The following C2orf81 variants were observed in gnomAD, a reference collection of about 807,000 sequenced individuals.
C2orf81 encodes the protein chromosome 2 open reading frame 81, also known as uncharacterized protein C2orf81.
In C2orf81, 5 loss-of-function variants were observed where a neutral mutation model predicts 7.9. That is an observed-to-expected ratio of 0.63 (90% confidence interval 0.33 to 1.33). The LOEUF (loss-of-function observed/expected upper bound fraction) is 1.33, where lower values mean the gene tolerates loss of function less well. Among genes scored for constraint, C2orf81 ranks in the 40% most tolerant of loss-of-function variants. The pLI is 0.05. For missense variants in C2orf81, 781 were observed against 830.4 expected, an observed-to-expected ratio of 0.94 and a Z score of 0.73; for synonymous variants, 346 against 367.4, an observed-to-expected ratio of 0.94 and a Z score of 0.66.
Position 74,415,921 on chromosome 2 carries a change from G to C in C2orf81, c.256C>G (p.Pro86Ala). Reference protein sequence around the residue: ...FKVYLTQQCIPFTISQAREAM... With the variant: ...FKVYLTQQCIAFTISQAREAM... ...TCCCGGGCCTGGCTGATGGTGAATG[G>C]AATGCACTGCGGAGGCGAGAGAGGA... Residue 86 changes from proline (P) to alanine (A), a missense_variant, in exon 3 of 3, where the codon CCA (proline) becomes GCA (alanine). Pro to Ala is a conservative substitution (Grantham distance 27, BLOSUM62 -1). Coordinates refer to ENST00000684111, the MANE Select transcript of C2orf81 (RefSeq NM_001316764.3). The surrounding 1 kb of genome is among the most constrained non-coding windows in gnomAD (Gnocchi z 5.5). The C allele has an allele frequency of 6.5e-7, 1 of 1,548,096 alleles. No homozygotes were observed. The highest frequency in any genetic ancestry group is 8.7e-7 in the Non-Finnish European group (1 of 1,144,196).
intron 1 of C2orf81, among the ~76,000 whole-genome samples, chr2:74,418,953 G>T (rs1232205289): frequency 6.6e-6 from 1 of 152,072 alleles, no homozygotes; most frequent in Non-Finnish European, 1.5e-5. Flanking sequence ...GGCCGAGGTG[G>T]GTGGATCATT....
At chr2:74,419,053 C>T (rs892180972) in intron 1 of C2orf81, among the ~76,000 whole-genome samples, 5 of 151,840 alleles carry the variant, frequency 3.3e-5, no homozygotes, top group Admixed American at 6.6e-5. Context: ...TGGTGGTGGG[C>T]GCCTGTAATT....
intron 1 of C2orf81, among the ~76,000 whole-genome samples, chr2:74,421,155 T>C (rs887000933): frequency 6.6e-6 from 1 of 152,264 alleles, no homozygotes; most frequent in African/African-American, 2.4e-5. Flanking sequence ...AATTATTTAA[T>C]ATATTTCTTC....
intron 1 of C2orf81, chr2:74,417,753 G>A (rs1676506436): frequency 7.7e-6 from 4 of 518,080 alleles, no homozygotes; most frequent in South Asian, 5.2e-5. Flanking sequence ...GGCAACAGTG[G>A]AGGAGCAGAG....
chr2:74,421,070 T>C (rs1410493940), intron 1 of C2orf81, among the ~76,000 whole-genome samples: 1 of 152,176 alleles, frequency 6.6e-6, no homozygotes, highest in Non-Finnish European at 1.5e-5. Context: ...GCATGAGCCA[T>C]TGAGACCGGC....
In C2orf81 at chr2:74,415,927, A is replaced by G; in HGVS notation, c.250T>C (p.Cys84Arg). 1 of 1,547,370 alleles carries G rather than the reference A, an allele frequency of 6.5e-7. No individual in the cohort carries two copies. The highest frequency in any genetic ancestry group is 1.4e-5 in the African/African-American group (1 of 73,076). The change falls in exon 3 of 3, where the codon TGC becomes CGC. Residue 84 changes from cysteine (C) to arginine (R), a missense_variant and splice_region_variant. Coordinates refer to ENST00000684111, the MANE Select transcript of C2orf81 (RefSeq NM_001316764.3). This position sits in a 1 kb window ranked among gnomAD's most constrained non-coding sequence, Gnocchi z 5.5. ...SAFKVYLTQQ[C>R]IPFTISQARE... ...GCCTGGCTGATGGTGAATGGAATGC[A>G]CTGCGGAGGCGAGAGAGGATCTCAG...
Position 74,414,197 on chromosome 2 carries a change from G to A in C2orf81, c.*132C>T. On this transcript the variant is annotated 3_prime_UTR_variant, in exon 3 of 3. Transcript: ENST00000684111. The surrounding 1 kb of genome is among the most constrained non-coding windows in gnomAD (Gnocchi z 5.3). ...CAGACTAGTTCCTAAGGCAACTCAGGTGTTTATTTCTGGCTAGCAGAGGGA... is the reference window on the plus strand; with the variant it reads ...CAGACTAGTTCCTAAGGCAACTCAGATGTTTATTTCTGGCTAGCAGAGGGA... 1.1e-6 allele frequency: 1 copy of A among 883,236 alleles called. No individual in the cohort carries two copies. 54.7% of individuals were successfully genotyped at this position (883,236 alleles called of 1,614,324 possible). A position where few individuals can be genotyped will look rare whatever the true frequency, so the allele number is the denominator to read the frequency against.
At chr2:74,418,559 G>T in intron 1 of C2orf81, 1 of 730,028 alleles carries the variant, frequency 1.4e-6, no homozygotes, top group Non-Finnish European at 2.4e-6. Context: ...GCTGAGGACA[G>T]GCCAGTCTCC....
Position 74,416,074 on chromosome 2 carries a change from G to C in C2orf81, c.186C>G (p.Asp62Glu), listed in dbSNP as rs766998880. The C allele has an allele frequency of 6.5e-7, 1 of 1,548,612 alleles. No homozygotes were observed. Among genetic ancestry groups the C allele is most frequent in the South Asian group, 1.2e-5 (1 of 83,212 alleles). The change falls in exon 2 of 3, where the codon GAC (aspartate) becomes GAG (glutamate). Residue 62 changes from aspartate to glutamate, a missense_variant. Coordinates refer to ENST00000684111, the MANE Select transcript of C2orf81 (RefSeq NM_001316764.3). ...ALEEGEDVVG[D>E]ILADLLARVM... Reference sequence around the variant, plus strand: ...CTCGAGCCAGCAAGTCGGCCAAGATGTCCCCTACGACGTCCTCGCCCTCCT... The same window carrying C: ...CTCGAGCCAGCAAGTCGGCCAAGATCTCCCCTACGACGTCCTCGCCCTCCT...
Position 74,414,693 on chromosome 2 carries a change from GGGCTGC to G in C2orf81, c.1478_1483del (p.Arg493_Ser494del). ...CCACCTGACACTGGGCCACAGCTTG[GGGCTGC>G]GGCTGCGGGCCACATCAGGGAGCAC... On this transcript the variant is annotated inframe_deletion, in exon 3 of 3. Coordinates refer to ENST00000684111, the MANE Select transcript of C2orf81 (RefSeq NM_001316764.3). The surrounding 1 kb of genome is among the most constrained non-coding windows in gnomAD (Gnocchi z 5.3). 1.3e-6 allele frequency: 2 copies of G among 1,544,574 alleles called. No individual in the cohort carries two copies. The highest frequency in any genetic ancestry group is 1.8e-6 in the Non-Finnish European group (2 of 1,142,308).
At position 74,415,522 on chromosome 2, in the gene C2orf81, T is replaced by C. The variant is rs1424466933; in HGVS notation, c.655A>G (p.Arg219Gly). Reference sequence around the variant, plus strand: ...GTGGGAGGAGGGGCCGACGTGACTCTCAGCTGCGGAGAAGGCTCCCAAGAT... The same window carrying C: ...GTGGGAGGAGGGGCCGACGTGACTCCCAGCTGCGGAGAAGGCTCCCAAGAT... ...MESWEPSPQL[R>G]VTSAPPPTSE... Residue 219 changes from arginine (R) to glycine (G), a missense_variant, in exon 3 of 3, where the codon AGA becomes GGA. By Grantham distance (125) the Arg-to-Gly change is moderately radical. Coordinates refer to ENST00000684111, the MANE Select transcript of C2orf81 (RefSeq NM_001316764.3). The surrounding 1 kb of genome is among the most constrained non-coding windows in gnomAD (Gnocchi z 5.5). 3.2e-6 allele frequency: 5 copies of C among 1,545,660 alleles called. No individual in the cohort carries two copies. The highest frequency in any genetic ancestry group is 4.4e-6 in the Non-Finnish European group (5 of 1,142,554).
At position 74,415,138 on chromosome 2, in the gene C2orf81, A is replaced by ACGCGGAGGGGCGGGTAGCGCCGCC. The variant is rs1558527384; in HGVS notation, c.1038_1039insGGCGGCGCTACCCGCCCCTCCGCG (p.Gly339_Ala346dup). 11 of 1,535,816 alleles carry ACGCGGAGGGGCGGGTAGCGCCGCC rather than the reference A, an allele frequency of 7.2e-6. No homozygotes were observed. The Admixed American group carries it at 2.3e-4, about 32-fold the overall frequency. ...TGCCCGGCCCGCTGCTGCTGGCAGG[A>ACGCGGAGGGGCGGGTAGCGCCGCC]CGCGGAGGGGCGGGTGGCGCCGCCC... On this transcript the variant is annotated inframe_insertion, in exon 3 of 3. Coordinates refer to ENST00000684111, the MANE Select transcript of C2orf81 (RefSeq NM_001316764.3). This position sits in a 1 kb window ranked among gnomAD's most constrained non-coding sequence, Gnocchi z 5.5.
In C2orf81 at chr2:74,414,804, T is replaced by C; in HGVS notation, c.1373A>G (p.Asn458Ser). 6.4e-7 allele frequency: 1 copy of C among 1,551,476 alleles called. No homozygotes were observed. Among genetic ancestry groups the C allele is most frequent in the Non-Finnish European group, 8.7e-7 (1 of 1,146,884 alleles). ...GAGGGATGGCGACGATAGGCCTAAATTTAAAGTGGGGAACAGGAGTGCGGG... is the reference window on the plus strand; with the variant it reads ...GAGGGATGGCGACGATAGGCCTAAACTTAAAGTGGGGAACAGGAGTGCGGG... ...SGPALLFPTL[N>S]LGLSSPSLES... The change falls in exon 3 of 3, where the codon AAT (asparagine) becomes AGT (serine). Residue 458 changes from asparagine (N) to serine (S), a missense_variant. By Grantham distance (46) the Asn-to-Ser change is conservative. Transcript: ENST00000684111. This position sits in a 1 kb window ranked among gnomAD's most constrained non-coding sequence, Gnocchi z 5.3.
At chr2:74,417,536 G>A in intron 1 of C2orf81, 5 of 1,106,258 alleles carry the variant, frequency 4.5e-6, no homozygotes, top group Non-Finnish European at 6.1e-6. Context: ...CTAGTGCAGG[G>A]ACTAGGGAAG....
Position 74,415,901 on chromosome 2 carries a change from G to T in C2orf81, c.276C>A (p.Ala92=). 1 of 1,549,464 alleles carries T rather than the reference G, an allele frequency of 6.5e-7. No homozygotes were observed. Among genetic ancestry groups the T allele is most frequent in the African/African-American group, 1.4e-5 (1 of 73,140 alleles). ...CGGTGATCTGCAGCATGGCCTCCCGGGCCTGGCTGATGGTGAATGGAATGC... is the reference window on the plus strand; with the variant it reads ...CGGTGATCTGCAGCATGGCCTCCCGTGCCTGGCTGATGGTGAATGGAATGC... ...QQCIPFTISQ[A]REAMLQITEW... The change falls in exon 3 of 3, where the codon GCC becomes GCA. Residue 92 remains alanine, a synonymous_variant. Transcript: ENST00000684111. This position sits in a 1 kb window ranked among gnomAD's most constrained non-coding sequence, Gnocchi z 5.5.
chr2:74,414,863 C>A lies in C2orf81; in HGVS notation c.1314G>T (p.Arg438=), dbSNP rs1022301884. 1.5e-5 allele frequency: 24 copies of A among 1,550,242 alleles called. No individual in the cohort carries two copies. The highest frequency in any genetic ancestry group is 7.9e-5 in the Admixed American group (4 of 50,942). The change falls in exon 3 of 3, where the codon CGG becomes CGT. Residue 438 remains arginine (R), a synonymous_variant. Coordinates refer to ENST00000684111, the MANE Select transcript of C2orf81 (RefSeq NM_001316764.3). This position sits in a 1 kb window ranked among gnomAD's most constrained non-coding sequence, Gnocchi z 5.3. The part of the protein sequence containing the change: ...RVSPAAFFPL[R]PGIPFRDLDS... ...CCAAGTCACGGAAAGGAATGCCTGG[C>A]CGGAGAGGGAAGAACGCTGCCGGGG...
rs1676397149 is a variant in C2orf81, at chr2:74,414,859, C to T, written c.1318G>A (p.Gly440Ser). ...GAGTCCAAGTCACGGAAAGGAATGC[C>T]TGGCCGGAGAGGGAAGAACGCTGCC... ...SPAAFFPLRPGIPFRDLDSGP... is the reference protein window; with the variant it reads ...SPAAFFPLRPSIPFRDLDSGP... The change falls in exon 3 of 3, where the codon GGC (glycine) becomes AGC (serine). Residue 440 changes from glycine to serine, a missense_variant. Physicochemically the swap from Gly to Ser is moderately conservative, Grantham distance 56 (BLOSUM62 0). Coordinates refer to ENST00000684111, the MANE Select transcript of C2orf81 (RefSeq NM_001316764.3). The surrounding 1 kb of genome is among the most constrained non-coding windows in gnomAD (Gnocchi z 5.3). 1 of 1,550,834 alleles carries T rather than the reference C, an allele frequency of 6.4e-7. No homozygotes were observed. Among genetic ancestry groups the T allele is most frequent in the Non-Finnish European group, 8.7e-7 (1 of 1,146,396 alleles).
Position 74,414,877 on chromosome 2 carries a change from A to C in C2orf81, c.1300T>G (p.Phe434Val). The change falls in exon 3 of 3, where the codon TTC (phenylalanine) becomes GTC (valine). Residue 434 changes from phenylalanine to valine, a missense_variant. Physicochemically the swap from Phe to Val is conservative, Grantham distance 50 (BLOSUM62 -1). Coordinates refer to ENST00000684111, the MANE Select transcript of C2orf81 (RefSeq NM_001316764.3). This position sits in a 1 kb window ranked among gnomAD's most constrained non-coding sequence, Gnocchi z 5.3. The stretch of plus-strand genomic sequence containing the variant: ...GGAATGCCTGGCCGGAGAGGGAAGA[A>C]CGCTGCCGGGGAGACACGGGTGCCG... ...GPGTRVSPAA[F>V]FPLRPGIPFR... is the part of the protein sequence containing the mutation. The C allele has an allele frequency of 6.5e-7, 1 of 1,549,176 alleles. No homozygotes were observed.
intron 1 of C2orf81, chr2:74,418,450 T>C (rs758270352): frequency 1.3e-6 from 2 of 1,513,520 alleles, no homozygotes; most frequent in East Asian, 4.5e-5. Flanking sequence ...CATCTTCCCT[T>C]CTCTAAGGAC....
Sources: gnomAD v4.1 joint callset for allele counts (sites outside exome capture counted in the v4.1 genomes callset) on GRCh38, gnomAD v4.1.1 for gene constraint, Gnocchi (gnomAD v3.1) non-coding constraint, MANE v1.5 for transcripts, NCBI Gene and HGNC (gene_info 2026-07-23, HGNC 2026-07-21) for gene names.